Variants in ACIN1 observed in about 807,000 individuals in gnomAD.
ACIN1 encodes apoptotic chromatin condensation inducer in the nucleus.
A neutral mutation model predicts 146.6 loss-of-function variants in ACIN1; 16 were observed. That is an observed-to-expected ratio of 0.11 (90% CI 0.07 to 0.17). The LOEUF (loss-of-function observed/expected upper bound fraction) is 0.17. ACIN1 is among the 10% of genes least tolerant of loss of function. The probability of loss-of-function intolerance (pLI) is 1.00; values close to 1 mark genes in which losing one functional copy is unlikely to be tolerated. For synonymous variants in ACIN1, 569 were observed against 582.7 expected (o/e 0.98, Z 0.34); for missense variants, 1,357 against 1,609.3 (o/e 0.84, Z 2.68).
chr14:23,090,749 A>T, intron 2 of ACIN1, 116 bp from the exon 3 acceptor site: 1 of 704,110 alleles, frequency 1.4e-6, no homozygotes, highest in Non-Finnish European at 2.3e-6. Context: ...AAAGATAACT[A>T]AAATGTTGGA....
chr14:23,074,018 T>G (rs2047734871), intron 8 of ACIN1, among the ~76,000 whole-genome samples: 1 of 151,634 alleles, frequency 6.6e-6, no homozygotes, highest in African/African-American at 2.4e-5. Flanking sequence ...TTTTGTATTT[T>G]TAGTAGAAAC....
At chr14:23,089,035 C>T (rs2140225353) in intron 4 of ACIN1, among the ~76,000 whole-genome samples, 1 of 152,110 alleles carries the variant, frequency 6.6e-6, no homozygotes, top group South Asian at 2.1e-4. Context: ...AATTGGGTGC[C>T]TATTATGATT....
rs551895203 is a variant in ACIN1 at position 23,066,004 on chromosome 14, G to A, written c.2270C>T (p.Ser757Leu). 24 of 1,613,522 alleles carry A rather than the reference G, an allele frequency of 1.5e-5. No individual in the cohort carries two copies. Among genetic ancestry groups the A allele is most frequent in the Non-Finnish European group, 1.9e-5 (22 of 1,179,690 alleles). The change falls in exon 10 of 19, where the codon TCG (serine) becomes TTG (leucine). Residue 757 changes from serine to leucine, a missense_variant. Ser to Leu is a moderately radical substitution (Grantham distance 145, BLOSUM62 -2). Coordinates refer to ENST00000605057, the MANE Select transcript of ACIN1 (RefSeq NM_001386863.1). ...SVEDEEKKES[S>L]LPKSFKRKIS... ...CTTCCTCTTGAATGATTTGGGCAGC[G>A]AGCTCTGTATGAAGAAGAAAAAGGG...
chr14:23,071,165 T>G, intron 8 of ACIN1: 1 of 1,551,234 alleles, frequency 6.4e-7, no homozygotes, highest in Non-Finnish European at 8.7e-7. Flanking sequence ...TTTCTCCCCC[T>G]GGAAGTGCTG....
chr14:23,092,109 T>TC, intron 2 of ACIN1, among the ~76,000 whole-genome samples: 1 of 151,826 alleles, frequency 6.6e-6, no homozygotes, highest in East Asian at 1.9e-4. Flanking sequence ...TTTTTTTTTT[T>TC]TGTAATACAG....
intron 18 of ACIN1, 90 bp from the exon 19 acceptor site, chr14:23,059,564 TC>T (rs1486802781): frequency 1.0e-6 from 1 of 983,918 alleles, no homozygotes; most frequent in Non-Finnish European, 1.6e-6. Context: ...TAGCTCAGGG[TC>T]AGCTTTTCAG....
At chr14:23,088,771 G>C (rs1257990881) in intron 4 of ACIN1, among the ~76,000 whole-genome samples, 1 of 152,200 alleles carries the variant, frequency 6.6e-6, no homozygotes, top group Non-Finnish European at 1.5e-5. Context: ...GGGATCACAA[G>C]TGTTTTAGAT....
At position 23,080,367 on chromosome 14, in the gene ACIN1, T is replaced by A; in HGVS notation, c.968A>T (p.Lys323Met). 6.2e-7 allele frequency: 1 copy of A among 1,614,208 alleles called. No individual in the cohort carries two copies. The highest frequency in any genetic ancestry group is 8.5e-7 in the Non-Finnish European group (1 of 1,180,030). The change falls in exon 6 of 19, where the codon AAG becomes ATG. Residue 323 changes from lysine (K) to methionine (M), a missense_variant. Lys to Met is a moderately conservative substitution (Grantham distance 95, BLOSUM62 -1). Transcript: ENST00000605057. ...EREIKSSQGL[K>M]EKSKSPSPPR... ...AGGGGAAGGAGACTTCGATTTTTCC[T>A]TTAAGCCTTGTGAAGATTTTATTTC...
rs906145724 is a variant in ACIN1 at position 23,081,813 on chromosome 14, C to T, written c.460G>A (p.Glu154Lys). ...TTCTCATCATCAGAGTCACCTTTCT[C>T]TTCAGAAATTGAGGAGCTTTTTCCT... ...SPRKSSSISE[E>K]KGDSDDEKPR... The change falls in exon 5 of 19, where the codon GAG (glutamate) becomes AAG (lysine). Residue 154 changes from glutamate to lysine, a missense_variant. By Grantham distance (56) the Glu-to-Lys change is moderately conservative. Transcript: ENST00000605057. 1 of 1,612,452 alleles carries T rather than the reference C, an allele frequency of 6.2e-7. No individual in the cohort carries two copies. Among genetic ancestry groups the T allele is most frequent in the African/African-American group, 1.3e-5 (1 of 75,000 alleles).
chr14:23,073,950 T>C (rs1215155652), intron 8 of ACIN1, among the ~76,000 whole-genome samples: 1 of 150,440 alleles, frequency 6.6e-6, no homozygotes, highest in Non-Finnish European at 1.5e-5. Flanking sequence ...ACCATTCTCC[T>C]GCCTCAGCCT....
At chr14:23,089,411 C>A (rs1035374096) in intron 4 of ACIN1, among the ~76,000 whole-genome samples, 2 of 152,174 alleles carry the variant, frequency 1.3e-5, no homozygotes, top group African/African-American at 2.4e-5. Flanking sequence ...CTGAACCAAT[C>A]CCATATACTA....
At chr14:23,081,979 C>T (rs928072725) in intron 4 of ACIN1, 143 bp from the exon 5 acceptor site, 1 of 602,560 alleles carries the variant, frequency 1.7e-6, no homozygotes. Context: ...TTGACTTCTA[C>T]ACTAAAGAAA....
At chr14:23,095,471 T>G, upstream of ACIN1, 1 of 833,886 alleles carries the variant, frequency 1.2e-6, no homozygotes, top group Non-Finnish European at 1.8e-6. Flanking sequence ...CTGGGGCGCT[T>G]GGGTGTTTGG....
intron 10 of ACIN1, 23 bp from the exon 11 acceptor site, chr14:23,064,511 A>G (rs753535153): frequency 6.2e-7 from 1 of 1,613,010 alleles, no homozygotes; most frequent in Non-Finnish European, 8.5e-7. Flanking sequence ...AATAGACCCA[A>G]CAGTTAGATG....
upstream of ACIN1, chr14:23,095,140 G>T (rs377331801): frequency 1.2e-6 from 2 of 1,614,194 alleles, no homozygotes; most frequent in South Asian, 1.1e-5. Flanking sequence ...GGTCCGTCCC[G>T]ACGGCTTCGG....
rs2048339483 is a variant in ACIN1, at chr14:23,095,038, T to C, written c.75A>G (p.Ala25=). The change falls in exon 1 of 19, where the codon GCA becomes GCG. Residue 25 remains alanine, a synonymous_variant. Transcript: ENST00000605057. The part of the protein sequence containing the change: ...QALRVTDLKA[A]LEQRGLAKSG... ...TCTTGGCTAGGCCTCGCTGCTCCAG[T>C]GCGGCCTTCAGGTCGGTCACCCGCA... 4 of 1,613,326 alleles carry C rather than the reference T, an allele frequency of 2.5e-6. No homozygotes were observed. The highest frequency in any genetic ancestry group is 3.4e-6 in the Non-Finnish European group (4 of 1,180,024).
At chr14:23,062,597 G>A in intron 14 of ACIN1, 74 bp from the exon 15 acceptor site, 1 of 1,366,280 alleles carries the variant, frequency 7.3e-7, no homozygotes, top group Admixed American at 1.7e-5. Context: ...TTCCCGAGCT[G>A]CTGTCACAGG....
At chr14:23,081,155 T>G (rs936485310) in intron 5 of ACIN1, among the ~76,000 whole-genome samples, 1 of 152,150 alleles carries the variant, frequency 6.6e-6, no homozygotes, top group Admixed American at 6.5e-5. Context: ...TTAATACGAT[T>G]ATCTTTTTAT....
At chr14:23,076,701 T>TA (rs2047810687) in intron 8 of ACIN1, among the ~76,000 whole-genome samples, 1 of 152,148 alleles carries the variant, frequency 6.6e-6, no homozygotes, top group African/African-American at 2.4e-5. Context: ...AGGCTGTCAA[T>TA]ACCCACTTCA....
Sources: gnomAD v4.1 joint callset for allele counts (sites outside exome capture counted in the v4.1 genomes callset) on GRCh38, gnomAD v4.1.1 for gene constraint, MANE v1.5 for transcripts, NCBI Gene and HGNC (gene_info 2026-07-23, HGNC 2026-07-21) for gene names.